Variants in HSD17B3 observed in about 807,000 individuals in gnomAD.
The protein encoded by HSD17B3 is hydroxysteroid 17-beta dehydrogenase 3, also known as 17-beta-hydroxysteroid dehydrogenase type 3.
A neutral mutation model predicts 41.1 loss-of-function variants in HSD17B3; 29 were observed. That is an observed-to-expected ratio of 0.71 (90% CI 0.53 to 0.96). HSD17B3 has a LOEUF of 0.96. Ranked by LOEUF, HSD17B3 falls within the 40% of genes least tolerant of loss-of-function variation. The pLI is 0.00. For synonymous variants in HSD17B3, 126 were observed against 145.6 expected (o/e 0.87, Z 0.97); for missense variants, 323 against 374.6 (o/e 0.86, Z 1.14).
At chr9:96,245,478 T>C in intron 7 of HSD17B3, 52 bp from the exon 8 acceptor site, 11 of 1,383,396 alleles carry the variant, frequency 8.0e-6, no homozygotes, top group Non-Finnish European at 9.3e-6. Context: ...TACCTGACCT[T>C]GAGTACAAAG....
chr9:96,289,989 C>T (rs1484018992), intron 2 of HSD17B3, among the ~76,000 whole-genome samples: 1 of 152,104 alleles, frequency 6.6e-6, no homozygotes, highest in East Asian at 1.9e-4. Flanking sequence ...TGCTAATCTA[C>T]AGCGGGTAGT....
intron 3 of HSD17B3, among the ~76,000 whole-genome samples, chr9:96,254,449 T>C (rs1825546426): frequency 1.3e-5 from 2 of 152,226 alleles, no homozygotes; most frequent in African/African-American, 2.4e-5. Flanking sequence ...CAGCAATTAG[T>C]TAATTCAGGA....
intron 2 of HSD17B3, among the ~76,000 whole-genome samples, chr9:96,284,963 C>T (rs1369428058): frequency 6.6e-6 from 1 of 151,968 alleles, no homozygotes; most frequent in African/African-American, 2.4e-5. Flanking sequence ...CTCAGCCTCC[C>T]GAGTAGCTGG....
intron 2 of HSD17B3, among the ~76,000 whole-genome samples, chr9:96,260,984 C>A (rs145523238): frequency 2.6e-5 from 4 of 152,058 alleles, no homozygotes; most frequent in Non-Finnish European, 5.9e-5. Flanking sequence ...GTTCACTGTG[C>A]GCTCTTATTT....
chr9:96,273,497 C>T (rs536252341), intron 2 of HSD17B3, among the ~76,000 whole-genome samples: 3 of 152,208 alleles, frequency 2.0e-5, no homozygotes, highest in African/African-American at 7.2e-5. Context: ...CTCCAGCAGC[C>T]TCAGCCACCA....
chr9:96,251,267 GT>G (rs1836891661), intron 5 of HSD17B3, 150 bp downstream of exon 5: 1 of 658,992 alleles, frequency 1.5e-6, no homozygotes, highest in African/African-American at 1.8e-5. Context: ...GAGTGCTAAG[GT>G]GAAGAGGAAA....
chr9:96,263,190 G>A (rs1341002220), intron 2 of HSD17B3, among the ~76,000 whole-genome samples: 1 of 152,080 alleles, frequency 6.6e-6, no homozygotes, highest in Non-Finnish European at 1.5e-5. Context: ...TTTCTTCCAG[G>A]GCTGAAACTA....
intron 2 of HSD17B3, among the ~76,000 whole-genome samples, chr9:96,273,323 T>A (rs904753214): frequency 6.6e-6 from 1 of 152,092 alleles, no homozygotes; most frequent in Non-Finnish European, 1.5e-5. Context: ...TACAAAGAAG[T>A]TTCAGCAATT....
At chr9:96,242,005 G>GAAAGAGAA (rs10639457) in intron 9 of HSD17B3, among the ~76,000 whole-genome samples, 24 of 68,550 alleles carry the variant, frequency 3.5e-4, no homozygotes, top group African/African-American at 1.2e-3. Flanking sequence ...AAGAAAGAAA[G>GAAAGAGAA]AGAAAGAAAA....
At chr9:96,249,700 AT>A in intron 6 of HSD17B3, 50 bp downstream of exon 6, 1 of 1,584,040 alleles carries the variant, frequency 6.3e-7, no homozygotes, top group Non-Finnish European at 8.7e-7. Flanking sequence ...GAGTTGCCAA[AT>A]TTCAAGTTAC....
At chr9:96,265,261 C>T (rs1826010455) in intron 2 of HSD17B3, among the ~76,000 whole-genome samples, 1 of 152,202 alleles carries the variant, frequency 6.6e-6, no homozygotes, top group Admixed American at 6.5e-5. Flanking sequence ...CCTAACTCAG[C>T]AATATTATTT....
intron 2 of HSD17B3, among the ~76,000 whole-genome samples, chr9:96,257,997 G>T (rs1275361317): frequency 6.6e-6 from 1 of 152,240 alleles, no homozygotes; most frequent in East Asian, 1.9e-4. Flanking sequence ...AATTATCAGT[G>T]GGGCTGAGCA....
chr9:96,268,207 G>A (rs1157560767), intron 2 of HSD17B3, among the ~76,000 whole-genome samples: 1 of 152,218 alleles, frequency 6.6e-6, no homozygotes. Context: ...TTACAGGCAT[G>A]AGTCACGCGC....
rs1825566080 is a variant in HSD17B3 at position 96,254,853 on chromosome 9, T to G, written c.277+15A>C. ...GGGCTCCACACACATCTCCCTTATT[T>G]GGGGGGTCACTCACCGATCTCTGTG... On this transcript the variant is annotated intron_variant, in intron 3 of 10. Transcript: ENST00000375263. 3 of 1,611,222 alleles carry G rather than the reference T, an allele frequency of 1.9e-6. No homozygotes were observed. The highest frequency in any genetic ancestry group is 2.5e-6 in the Non-Finnish European group (3 of 1,177,718).
chr9:96,251,256 C>G (rs958927480), intron 5 of HSD17B3, 162 bp downstream of exon 5: 1 of 629,932 alleles, frequency 1.6e-6, no homozygotes, highest in Non-Finnish European at 2.8e-6. Context: ...GACTGTGGAT[C>G]GAGTGCTAAG....
intron 10 of HSD17B3, 125 bp downstream of exon 10, chr9:96,240,633 T>TCGCCACCTCGCCACATA (rs1836401035): frequency 2.0e-6 from 2 of 992,570 alleles, no homozygotes; most frequent in East Asian, 4.9e-5. Context: ...ACATAGTCCT[T>TCGCCACCTCGCCACATA]GTACCTGGCT....
intron 1 of HSD17B3, among the ~76,000 whole-genome samples, chr9:96,299,479 C>A (rs1827491682): frequency 6.6e-6 from 1 of 152,174 alleles, no homozygotes; most frequent in South Asian, 2.1e-4. Flanking sequence ...TCACCCAATA[C>A]AGGGCCTACA....
At chr9:96,253,036 A>G (rs1457945534) in intron 3 of HSD17B3, 126 bp from the exon 4 acceptor site, 1 of 736,354 alleles carries the variant, frequency 1.4e-6, no homozygotes, top group Admixed American at 1.9e-5. Flanking sequence ...TGCCCCAAAT[A>G]AAAATGGGAC....
At chr9:96,257,037 T>G (rs1169379487) in intron 2 of HSD17B3, among the ~76,000 whole-genome samples, 1 of 152,206 alleles carries the variant, frequency 6.6e-6, no homozygotes. Context: ...GCTCCAGGCA[T>G]GAGAAGTGCT....
Sources: gnomAD v4.1 joint callset for allele counts (sites outside exome capture counted in the v4.1 genomes callset) on GRCh38, gnomAD v4.1.1 for gene constraint, MANE v1.5 for transcripts, NCBI Gene and HGNC (gene_info 2026-07-23, HGNC 2026-07-21) for gene names.